Variants in WWP2 observed in about 807,000 individuals in gnomAD.
The protein encoded by WWP2 is NEDD4-like E3 ubiquitin-protein ligase WWP2.
In WWP2, 57 loss-of-function variants were observed where a neutral mutation model predicts 121.0. The observed-to-expected ratio is 0.47, with a 90% CI of 0.38 to 0.59. WWP2 has a LOEUF of 0.59. Among genes scored for constraint, WWP2 ranks in the 20% least tolerant of loss-of-function variants. The pLI is 0.00. For missense variants in WWP2, 962 were observed against 1,158.9 expected (o/e 0.83, Z 2.47); for synonymous variants, 449 against 441.3 (o/e 1.02, Z -0.22).
At chr16:69,904,230 C>T (rs1382292755) in intron 8 of WWP2, among the ~76,000 whole-genome samples, 2 of 152,210 alleles carry the variant, frequency 1.3e-5, no homozygotes, top group Admixed American at 6.5e-5. Context: ...TACAGTATGT[C>T]GGCTGTCTTC....
At position 69,871,635 on chromosome 16, in the gene WWP2, G is replaced by A. The variant is rs925093374; in HGVS notation, c.576-169G>A. On this transcript the variant is annotated intron_variant, in intron 6 of 23. Coordinates refer to ENST00000359154, the MANE Select transcript of WWP2 (RefSeq NM_001270454.2). ...TTTTACCAAAAAGGAAACTTCCCTG[G>A]GTCTCTCTGCTTGGAACCAGCTTCT... 4.4e-6 allele frequency: 4 copies of A among 900,042 alleles called. No homozygotes were observed. The African/African-American group carries it at 6.8e-5, about 15-fold the overall frequency. 55.8% of individuals were successfully genotyped at this position (900,042 alleles called of 1,614,324 possible). A position where few individuals can be genotyped will look rare whatever the true frequency, so the allele number is the denominator to read the frequency against.
rs899631295 is a variant in WWP2, at chr16:69,838,369, C to T, written c.341-1757C>T. The stretch of plus-strand genomic sequence containing the variant: ...CCTGACCACACCCCCTCTTAATCCA[C>T]GTGCTTAAAAACCCTATTGCCAGAG... On this transcript the variant is annotated intron_variant, in intron 4 of 23. Coordinates refer to ENST00000359154, the MANE Select transcript of WWP2 (RefSeq NM_001270454.2). 1.1e-4 allele frequency among the ~76,000 whole-genome samples: 17 copies of T among 151,294 alleles called. No individual in the cohort carries two copies. The South Asian group carries it at 1.9e-3, about 17-fold the overall frequency.
chr16:69,777,865 C>T (rs1194983164), intron 1 of WWP2, among the ~76,000 whole-genome samples: 3 of 150,098 alleles, frequency 2.0e-5, no homozygotes, highest in Non-Finnish European at 4.4e-5. Flanking sequence ...TCAAGAGTTC[C>T]AGATCAGCCT....
At chr16:69,762,628 C>T (rs2038638831) in intron 1 of WWP2, among the ~76,000 whole-genome samples, 1 of 151,932 alleles carries the variant, frequency 6.6e-6, no homozygotes, top group South Asian at 2.1e-4. Context: ...GAAATGGGTG[C>T]CCCGGCCGCC....
chr16:69,878,748 A>G (rs2151926052), intron 7 of WWP2, among the ~76,000 whole-genome samples: 1 of 152,298 alleles, frequency 6.6e-6, no homozygotes, highest in South Asian at 2.1e-4. Flanking sequence ...AATGTTCCAT[A>G]ATTCATCTAA....
intron 1 of WWP2, among the ~76,000 whole-genome samples, chr16:69,785,627 CTTT>C (rs111997152): frequency 7.1e-6 from 1 of 141,458 alleles, no homozygotes. Flanking sequence ...TGCTGCACAT[CTTT>C]TTTTTTTTTT....
At chr16:69,913,653 G>A (rs1194237576) in intron 9 of WWP2, among the ~76,000 whole-genome samples, 3 of 152,068 alleles carry the variant, frequency 2.0e-5, no homozygotes, top group African/African-American at 7.2e-5. Context: ...AAAGATTTGG[G>A]AGAAAATAAT....
chr16:69,799,311 G>A lies in WWP2; in HGVS notation c.340+16G>A. On this transcript the variant is annotated intron_variant, in intron 4 of 23. Transcript: ENST00000359154. The surrounding 1 kb of genome is among the most constrained non-coding windows in gnomAD (Gnocchi z 4.5). ...GGGGGCAAAAGTACGTATGATGAAGGGGGTGCCGACGTGATTCTTGGGTGG... is the reference window on the plus strand; with the variant it reads ...GGGGGCAAAAGTACGTATGATGAAGAGGGTGCCGACGTGATTCTTGGGTGG... 2 of 1,610,782 alleles carry A rather than the reference G, an allele frequency of 1.2e-6. No individual in the cohort carries two copies. Among genetic ancestry groups the A allele is most frequent in the Non-Finnish European group, 1.7e-6 (2 of 1,178,564 alleles).
At position 69,798,711 on chromosome 16, in the gene WWP2, C is replaced by T. The variant is rs1036291469; in HGVS notation, c.100C>T (p.Arg34Cys). The change falls in exon 3 of 24, where the codon CGT becomes TGT. Residue 34 changes from arginine (R) to cysteine (C), a missense_variant. Physicochemically the swap from Arg to Cys is radical, Grantham distance 180. Transcript: ENST00000359154. The part of the protein sequence containing the change: ...VVSAKPKVHN[R>C]QPRINSYVEV... ...GTCCGCAAAGCCCAAGGTGCATAAT[C>T]GTCAACCTCGAATTAACTCCTACGT... 39 of 1,613,904 alleles carry T rather than the reference C, an allele frequency of 2.4e-5. No homozygotes were observed. In the Admixed American group the frequency reaches 3.3e-4, roughly 14 times the overall value.
chr16:69,931,617 C>A, intron 15 of WWP2, 37 bp downstream of exon 15: 3 of 1,612,674 alleles, frequency 1.9e-6, no homozygotes, highest in Non-Finnish European at 2.5e-6. Flanking sequence ...GGCAGGCCGA[C>A]GCCCTCCTCC....
chr16:69,767,552 TAAAG>T (rs1166376720), intron 1 of WWP2, among the ~76,000 whole-genome samples: 2 of 152,108 alleles, frequency 1.3e-5, no homozygotes, highest in African/African-American at 2.4e-5. Flanking sequence ...ATTTACCAGG[TAAAG>T]AAAGGCAGAT....
intron 4 of WWP2, among the ~76,000 whole-genome samples, chr16:69,821,184 A>C (rs1165124958): frequency 6.6e-6 from 1 of 152,064 alleles, no homozygotes; most frequent in Non-Finnish European, 1.5e-5. Context: ...ATCATCCTGC[A>C]CCTCAGGCAG....
At chr16:69,883,214 CT>C (rs1389179671) in intron 7 of WWP2, among the ~76,000 whole-genome samples, 1 of 151,962 alleles carries the variant, frequency 6.6e-6, no homozygotes, top group Non-Finnish European at 1.5e-5. Context: ...AACTCCTTGT[CT>C]TCGACAATCC....
chr16:69,880,596 G>C (rs2057810209), intron 7 of WWP2, among the ~76,000 whole-genome samples: 1 of 152,116 alleles, frequency 6.6e-6, no homozygotes, highest in Admixed American at 6.5e-5. Flanking sequence ...TTTAAGTTTT[G>C]CTCCTTTTTT....
chr16:69,782,737 G>A (rs1055146977), intron 1 of WWP2, among the ~76,000 whole-genome samples: 14 of 152,156 alleles, frequency 9.2e-5, no homozygotes, highest in Non-Finnish European at 1.9e-4. Flanking sequence ...AATTCTGTTC[G>A]AGTTTGCTAA....
At chr16:69,882,248 G>A (rs1037961521) in intron 7 of WWP2, among the ~76,000 whole-genome samples, 1 of 152,194 alleles carries the variant, frequency 6.6e-6, no homozygotes. Flanking sequence ...GAACCACTGC[G>A]CCCAGCCTAA....
intron 2 of WWP2, among the ~76,000 whole-genome samples, 175 bp downstream of exon 2, chr16:69,787,255 G>A (rs1250529040): frequency 1.3e-5 from 2 of 152,212 alleles, no homozygotes; most frequent in African/African-American, 2.4e-5. Flanking sequence ...AGAAAATAAA[G>A]GAGCAGGAAA....
chr16:69,825,617 GTT>G (rs1182979309), intron 4 of WWP2, among the ~76,000 whole-genome samples: 1 of 137,608 alleles, frequency 7.3e-6, no homozygotes, highest in Non-Finnish European at 1.6e-5. Context: ...GCAGAAGTGG[GTT>G]TTTTTTTTTT....
intron 9 of WWP2, chr16:69,917,436 A>G: frequency 2.8e-6 from 1 of 358,366 alleles, no homozygotes; most frequent in East Asian, 4.4e-5. Context: ...TCACATGTGC[A>G]CTTCTGGTCC....
Sources: allele counts gnomAD v4.1 joint callset (sites outside exome capture counted in the v4.1 genomes callset), GRCh38; gene constraint gnomAD v4.1.1; non-coding constraint Gnocchi (gnomAD v3.1); transcripts MANE v1.5; gene names NCBI Gene and HGNC (gene_info 2026-07-23, HGNC 2026-07-21).